The following MYO1F variants were observed in gnomAD, a reference collection of about 807,000 sequenced individuals.
The protein encoded by MYO1F is myosin IF.
A neutral mutation model predicts 146.6 loss-of-function variants in MYO1F; 60 were observed. The observed-to-expected ratio is 0.41, with a 90% confidence interval of 0.33 to 0.51. MYO1F has a LOEUF of 0.51. Among genes scored for constraint, MYO1F ranks in the 20% least tolerant of loss-of-function variants. The pLI is 0.25. For synonymous variants in MYO1F, 602 were observed against 602.1 expected (o/e 1.00, Z 0.00); for missense variants, 1,274 against 1,534.3 (o/e 0.83, Z 2.83).
intron 4 of MYO1F, 127 bp downstream of exon 4, chr19:8,554,350 G>A (rs1568362097): frequency 8.6e-6 from 7 of 817,212 alleles, no homozygotes; most frequent in Non-Finnish European, 1.5e-5. Context: ...ATAAAACAGA[G>A]TGAGGGCAGA....
intron 10 of MYO1F, among the ~76,000 whole-genome samples, chr19:8,548,833 C>T (rs557462971): frequency 6.7e-4 from 101 of 151,764 alleles, no homozygotes; most frequent in Middle Eastern, 6.8e-3. Context: ...CGTGATCCGC[C>T]CGCCTCGGCC....
intron 19 of MYO1F, among the ~76,000 whole-genome samples, chr19:8,535,297 C>A (rs1403698723): frequency 6.6e-6 from 1 of 152,120 alleles, no homozygotes; most frequent in Non-Finnish European, 1.5e-5. Flanking sequence ...TAGGATTTTA[C>A]CACTAAGCAT....
intron 19 of MYO1F, among the ~76,000 whole-genome samples, chr19:8,534,965 G>T (rs1972643871): frequency 6.6e-6 from 1 of 151,826 alleles, no homozygotes; most frequent in South Asian, 2.1e-4. Context: ...AGGCTTGAGT[G>T]CAGTGGCACG....
At chr19:8,545,045 T>C (rs2145894726) in intron 13 of MYO1F, among the ~76,000 whole-genome samples, 1 of 152,284 alleles carries the variant, frequency 6.6e-6, no homozygotes, top group Non-Finnish European at 1.5e-5. Flanking sequence ...CCCAAAGTGC[T>C]GGGATTACAG....
chr19:8,522,023 C>CT (rs34105946), intron 27 of MYO1F, among the ~76,000 whole-genome samples: 66 of 133,388 alleles, frequency 4.9e-4, no homozygotes, highest in South Asian at 1.2e-3. Flanking sequence ...AGTCAGGGTT[C>CT]TTTTTTTTTT....
chr19:8,550,141 C>T lies in MYO1F; in HGVS notation c.1101+19G>A. 1 of 1,612,798 alleles carries T rather than the reference C, an allele frequency of 6.2e-7. No individual in the cohort carries two copies. Among genetic ancestry groups the T allele is most frequent in the South Asian group, 1.1e-5 (1 of 91,058 alleles). On this transcript the variant is annotated intron_variant, in intron 10 of 27. Transcript: ENST00000644032. ...ACCCCAGAGCATCCACTCTGCCTTC[C>T]AGCCCCAGCCCCACTCGCCTCCACG... is the stretch of plus-strand genomic sequence containing the variant.
rs541555253 is a variant in MYO1F at position 8,545,195 on chromosome 19, C to T, written c.1356+455G>A. Among the ~76,000 whole-genome samples the T allele has an allele frequency of 2.6e-5, 4 of 152,240 alleles. No individual in the cohort carries two copies. The East Asian group carries it at 7.7e-4, about 29-fold the overall frequency. On this transcript the variant is annotated intron_variant, in intron 13 of 27. Coordinates refer to ENST00000644032, the MANE Select transcript of MYO1F (RefSeq NM_012335.4). The stretch of plus-strand genomic sequence containing the variant: ...CTTGACTTCCTGGGCTCAAGTGATC[C>T]TCCCACCTCAGCCTTCCGGGTAGCT...
At position 8,530,607 on chromosome 19, in the gene MYO1F, C is replaced by G. The variant is rs780400993; in HGVS notation, c.2044-34G>C. On this transcript the variant is annotated intron_variant, in intron 19 of 27. Transcript: ENST00000644032. The surrounding 1 kb of genome is among the most constrained non-coding windows in gnomAD (Gnocchi z 5.8). Reference sequence around the variant, plus strand: ...GGGTCGTGGGGGGCAAGGGTGAGTCCTGGTGTCTCCCCAGGGGCTGCAGTT... The same window carrying G: ...GGGTCGTGGGGGGCAAGGGTGAGTCGTGGTGTCTCCCCAGGGGCTGCAGTT... 1 of 1,527,036 alleles carries G rather than the reference C, an allele frequency of 6.5e-7. No homozygotes were observed. The highest frequency in any genetic ancestry group is 9.0e-7 in the Non-Finnish European group (1 of 1,109,834). The allele number at this position is 1,527,036 out of a possible 1,614,324, so 94.6% of individuals were successfully genotyped here. A position where few individuals can be genotyped will look rare whatever the true frequency, so the allele number is the denominator to read the frequency against.
intron 26 of MYO1F, 35 bp downstream of exon 26, chr19:8,522,599 C>A (rs201578688): frequency 6.2e-7 from 1 of 1,607,820 alleles, no homozygotes; most frequent in Non-Finnish European, 8.5e-7. Context: ...CTACCCCCTG[C>A]CCACCTCCTG....
chr19:8,556,690 C>T (rs978529306), intron 1 of MYO1F, among the ~76,000 whole-genome samples: 1 of 151,108 alleles, frequency 6.6e-6, no homozygotes, highest in African/African-American at 2.4e-5. Flanking sequence ...GAGTTCGAGA[C>T]CAGTCTGATC....
chr19:8,555,499 C>CAA, intron 2 of MYO1F, 160 bp downstream of exon 2: 2 of 968,612 alleles, frequency 2.1e-6, no homozygotes, highest in Non-Finnish European at 3.1e-6. Context: ...CCACAGCTGC[C>CAA]CCCAACCAGA....
At chr19:8,522,574 GC>G (rs745590765) in intron 26 of MYO1F, 28 bp from the exon 27 acceptor site, 1 of 1,607,750 alleles carries the variant, frequency 6.2e-7, no homozygotes, top group Non-Finnish European at 8.5e-7. Flanking sequence ...TTGAGTCACA[GC>G]CCCAGACACT....
At chr19:8,556,725 T>TA in intron 1 of MYO1F, among the ~76,000 whole-genome samples, 1 of 150,746 alleles carries the variant, frequency 6.6e-6, no homozygotes, top group South Asian at 2.1e-4. Flanking sequence ...CCGTCTATAC[T>TA]AAAAATACAA....
rs1370790717 is a variant in MYO1F, at chr19:8,530,599, G to A, written c.2044-26C>T. ...CTGGGCGGGGGTCGTGGGGGGCAAG[G>A]GTGAGTCCTGGTGTCTCCCCAGGGG... On this transcript the variant is annotated intron_variant, in intron 19 of 27. Coordinates refer to ENST00000644032, the MANE Select transcript of MYO1F (RefSeq NM_012335.4). The surrounding 1 kb of genome is among the most constrained non-coding windows in gnomAD (Gnocchi z 5.8). The A allele has an allele frequency of 1.3e-6, 2 of 1,543,758 alleles. No homozygotes were observed. Among genetic ancestry groups the A allele is most frequent in the African/African-American group, 1.4e-5 (1 of 73,750 alleles).
chr19:8,551,529 T>A, intron 8 of MYO1F: 3 of 603,122 alleles, frequency 5.0e-6, no homozygotes, highest in East Asian at 3.1e-5. Flanking sequence ...TTTTTGTATT[T>A]TAAGTAGAGA....
chr19:8,543,459 G>A (rs940368375), intron 14 of MYO1F, among the ~76,000 whole-genome samples: 101 of 151,780 alleles, frequency 6.7e-4, no homozygotes, highest in African/African-American at 2.4e-3. Context: ...GTGGGGGGCT[G>A]TGTCCTAGTC....
chr19:8,562,252 T>C (rs1974174709), intron 1 of MYO1F, among the ~76,000 whole-genome samples: 3 of 151,788 alleles, frequency 2.0e-5, no homozygotes, highest in South Asian at 2.1e-4. Flanking sequence ...CCGCCCGCCT[T>C]GGCCTCACAA....
At chr19:8,539,199 G>A (rs564459063) in intron 16 of MYO1F, among the ~76,000 whole-genome samples, 20 of 152,246 alleles carry the variant, frequency 1.3e-4, no homozygotes, top group African/African-American at 4.8e-4. Flanking sequence ...CGGATCACCT[G>A]AGGTCGGGAG....
At chr19:8,538,623 C>G (rs1972830857) in intron 16 of MYO1F, among the ~76,000 whole-genome samples, 2 of 146,760 alleles carry the variant, frequency 1.4e-5, no homozygotes, top group African/African-American at 5.1e-5. Flanking sequence ...GGGTCTCACT[C>G]TGTTCCCAGG....
Sources: gnomAD v4.1 joint callset for allele counts (sites outside exome capture counted in the v4.1 genomes callset) on GRCh38, gnomAD v4.1.1 for gene constraint, Gnocchi (gnomAD v3.1) non-coding constraint, MANE v1.5 for transcripts, NCBI Gene and HGNC (gene_info 2026-07-23, HGNC 2026-07-21) for gene names.